Variants in ARSB observed in about 807,000 individuals in gnomAD.
ARSB encodes N-acetylgalactosamine-4-sulfatase.
ARSB carries 41 observed loss-of-function variants against 50.9 expected under a neutral mutation model. The ratio of observed to expected loss-of-function variants is 0.81; its 90% CI spans 0.63 to 1.04. The LOEUF (loss-of-function observed/expected upper bound fraction) is 1.04. Among genes scored for constraint, ARSB ranks in the 50% least tolerant of loss-of-function variants. The probability of loss-of-function intolerance (pLI) is 0.00; values close to 1 mark genes in which losing one functional copy is unlikely to be tolerated. For synonymous variants in ARSB, 269 were observed against 284.8 expected, an observed-to-expected ratio of 0.94 and a Z score of 0.56; for missense variants, 672 against 693.3, an observed-to-expected ratio of 0.97 and a Z score of 0.35.
At chr5:78,841,158 ACTACTACTAC>A (rs766562045) in intron 5 of ARSB, among the ~76,000 whole-genome samples, 8 of 135,962 alleles carry the variant, frequency 5.9e-5, no homozygotes, top group Admixed American at 2.4e-4. Context: ...TACTACTACT[ACTACTACTAC>A]TAATAATAAT....
intron 5 of ARSB, among the ~76,000 whole-genome samples, chr5:78,875,914 T>G (rs1747457377): frequency 6.6e-6 from 1 of 152,110 alleles, no homozygotes; most frequent in Non-Finnish European, 1.5e-5. Context: ...GTGATCTACC[T>G]GCCTCAGGCT....
intron 4 of ARSB, among the ~76,000 whole-genome samples, chr5:78,921,101 T>A (rs1228642493): frequency 1.3e-5 from 2 of 152,166 alleles, no homozygotes; most frequent in Non-Finnish European, 2.9e-5. Flanking sequence ...CAATGACCTG[T>A]CCTTTTCTCC....
intron 3 of ARSB, among the ~76,000 whole-genome samples, chr5:78,962,878 G>A (rs1477486034): frequency 6.6e-6 from 1 of 152,152 alleles, no homozygotes; most frequent in Non-Finnish European, 1.5e-5. Context: ...ACTCATTCAG[G>A]GAAGATTTCC....
intron 4 of ARSB, among the ~76,000 whole-genome samples, chr5:78,899,092 C>A (rs1748693044): frequency 6.6e-6 from 1 of 152,124 alleles, no homozygotes; most frequent in Non-Finnish European, 1.5e-5. Flanking sequence ...TCTTGGATGG[C>A]AGGCTTTTTT....
intron 5 of ARSB, among the ~76,000 whole-genome samples, chr5:78,873,781 C>T (rs1277804414): frequency 6.6e-6 from 1 of 152,044 alleles, no homozygotes; most frequent in Non-Finnish European, 1.5e-5. Flanking sequence ...AGGCGTGAGC[C>T]ACCGCACCCG....
intron 3 of ARSB, among the ~76,000 whole-genome samples, chr5:78,956,496 T>C (rs1751733869): frequency 6.6e-6 from 1 of 152,142 alleles, no homozygotes; most frequent in South Asian, 2.1e-4. Context: ...ATACTTTAAA[T>C]GAGTGAATTT....
intron 6 of ARSB, among the ~76,000 whole-genome samples, chr5:78,789,525 A>G (rs1039962666): frequency 2.0e-5 from 3 of 152,220 alleles, no homozygotes; most frequent in African/African-American, 7.2e-5. Context: ...CCAGAAAGAC[A>G]GTTCTTAACG....
At chr5:78,810,778 T>C (rs1484763166) in intron 6 of ARSB, among the ~76,000 whole-genome samples, 1 of 152,088 alleles carries the variant, frequency 6.6e-6, no homozygotes, top group Admixed American at 6.5e-5. Context: ...GCTTTGGGAG[T>C]TTCAGGAACT....
intron 5 of ARSB, among the ~76,000 whole-genome samples, chr5:78,876,433 A>T (rs559154750): frequency 6.6e-6 from 1 of 152,370 alleles, no homozygotes; most frequent in South Asian, 2.1e-4. Flanking sequence ...AGAAAAATGG[A>T]CAGAATATTT....
intron 6 of ARSB, among the ~76,000 whole-genome samples, chr5:78,812,836 CA>C (rs1276891133): frequency 6.6e-6 from 1 of 151,900 alleles, no homozygotes; most frequent in Non-Finnish European, 1.5e-5. Context: ...CTACAAAATA[CA>C]AAAATTAACC....
At chr5:78,940,815 G>A (rs1403218369) in intron 4 of ARSB, among the ~76,000 whole-genome samples, 2 of 152,146 alleles carry the variant, frequency 1.3e-5, no homozygotes, top group African/African-American at 2.4e-5. Context: ...TTCCAGTTCT[G>A]TGAAGAAAGT....
intron 1 of ARSB, among the ~76,000 whole-genome samples, chr5:78,974,234 G>A (rs575107026): frequency 2.5e-4 from 38 of 152,380 alleles, no homozygotes; most frequent in African/African-American, 9.1e-4. Flanking sequence ...CACGCATTAT[G>A]TGTGCTAGGG....
chr5:78,903,852 CTTTTTA>C (rs1026812854), intron 4 of ARSB, among the ~76,000 whole-genome samples: 1 of 152,104 alleles, frequency 6.6e-6, no homozygotes, highest in African/African-American at 2.4e-5. Flanking sequence ...CTGGTGATTT[CTTTTTA>C]ATTTACATAC....
intron 5 of ARSB, among the ~76,000 whole-genome samples, chr5:78,853,324 C>T (rs1018199908): frequency 5.9e-5 from 9 of 152,218 alleles, no homozygotes; most frequent in Non-Finnish European, 1.3e-4. Context: ...AGGTCCACTC[C>T]AGACCCTGTT....
intron 5 of ARSB, among the ~76,000 whole-genome samples, chr5:78,866,310 C>T (rs914426671): frequency 4.6e-5 from 7 of 152,154 alleles, no homozygotes; most frequent in Non-Finnish European, 8.8e-5. Flanking sequence ...AGGGAAATTT[C>T]CCCTTATATT....
intron 5 of ARSB, among the ~76,000 whole-genome samples, chr5:78,871,235 A>G (rs1747152400): frequency 2.0e-5 from 3 of 152,060 alleles, no homozygotes; most frequent in Admixed American, 6.5e-5. Flanking sequence ...AAATGGCCAT[A>G]CTGCCCAAGG....
intron 6 of ARSB, among the ~76,000 whole-genome samples, chr5:78,787,315 T>A (rs966182779): frequency 2.0e-5 from 3 of 152,150 alleles, no homozygotes; most frequent in African/African-American, 7.2e-5. Context: ...ACCTTAGAAA[T>A]CAGCAAGCCT....
At chr5:78,897,736 G>A (rs1390388261) in intron 4 of ARSB, among the ~76,000 whole-genome samples, 1 of 152,070 alleles carries the variant, frequency 6.6e-6, no homozygotes, top group African/African-American at 2.4e-5. Flanking sequence ...TTTGTAATAT[G>A]TGGACTCTCA....
At chr5:78,846,885 C>G (rs1427542087) in intron 5 of ARSB, among the ~76,000 whole-genome samples, 1 of 152,146 alleles carries the variant, frequency 6.6e-6, no homozygotes, top group Non-Finnish European at 1.5e-5. Flanking sequence ...TTGCTATGGG[C>G]TTATGATATA....
Sources: gnomAD v4.1 joint callset for allele counts (sites outside exome capture counted in the v4.1 genomes callset) on GRCh38, gnomAD v4.1.1 for gene constraint, MANE v1.5 for transcripts, NCBI Gene and HGNC (gene_info 2026-07-23, HGNC 2026-07-21) for gene names.